SLCO5A1: variants seen among roughly 807,000 people sequenced by gnomAD.
SLCO5A1 encodes organic anion transporter polypeptide-related protein 4.
SLCO5A1 carries 39 observed loss-of-function variants against 65.1 expected under a neutral mutation model. The observed-to-expected ratio is 0.60, with a 90% CI of 0.46 to 0.78. The LOEUF is 0.78. Ranked by LOEUF, SLCO5A1 falls within the 30% of genes least tolerant of loss-of-function variation. SLCO5A1 has a pLI of 0.00. For missense variants in SLCO5A1, 1,029 were observed against 1,069.4 expected (o/e 0.96, Z 0.53); for synonymous variants, 438 against 415.7 (o/e 1.05, Z -0.65).
Position 69,671,827 on chromosome 8 carries a change from C to A in SLCO5A1, c.*1042G>T, listed in dbSNP as rs1285162801. ...TTCTAAGTGATTTTCATATCCCAGG[C>A]ACAGATTTCCTGATATAAGTATGCA... On this transcript the variant is annotated 3_prime_UTR_variant, in exon 10 of 10. Transcript: ENST00000260126. 6.6e-6 allele frequency: 1 copy of A among 152,178 alleles called. No individual in the cohort carries two copies. The highest frequency in any genetic ancestry group is 1.5e-5 in the Non-Finnish European group (1 of 68,026). 9.4% of individuals were successfully genotyped at this position (152,178 alleles called of 1,614,324 possible).
intron 2 of SLCO5A1, among the ~76,000 whole-genome samples, chr8:69,762,119 TTTCTTTC>T (rs1801916548): frequency 4.3e-4 from 2 of 4,704 alleles, no homozygotes; most frequent in South Asian, 0.014. Context: ...TTTGTTTTGT[TTTCTTTC>T]TTTCTTTCTT....
intron 6 of SLCO5A1, chr8:69,700,549 A>G (rs951178125): frequency 1.3e-5 from 2 of 152,254 alleles, no homozygotes; most frequent in South Asian, 2.1e-4. Context: ...CCAGTCAGAA[A>G]GAGCTCACCA....
At chr8:69,752,639 CA>C (rs33960686) in intron 4 of SLCO5A1, among the ~76,000 whole-genome samples, 37,236 of 151,962 alleles carry the variant, frequency 0.25, 6,300 homozygotes, top group African/African-American at 0.48. Flanking sequence ...GCATTTTTAG[CA>C]AAAACATTTT....
chr8:69,679,288 T>A (rs1813668662), intron 8 of SLCO5A1, 90 bp downstream of exon 8: 1 of 1,551,790 alleles, frequency 6.4e-7, no homozygotes, highest in Non-Finnish European at 8.7e-7. Context: ...CTTTGCTCTC[T>A]GATTTACCAC....
At chr8:69,758,090 T>A (rs1586764799) in intron 3 of SLCO5A1, among the ~76,000 whole-genome samples, 1 of 152,364 alleles carries the variant, frequency 6.6e-6, no homozygotes, top group African/African-American at 2.4e-5. Context: ...GACAGTGTTA[T>A]GATGGATGTC....
chr8:69,692,143 G>C (rs1814289716), intron 6 of SLCO5A1, among the ~76,000 whole-genome samples: 1 of 152,178 alleles, frequency 6.6e-6, no homozygotes, highest in Admixed American at 6.5e-5. Context: ...AAGCTACTTG[G>C]GAGGCTGAGG....
chr8:69,692,436 C>T (rs1288667082), intron 6 of SLCO5A1, among the ~76,000 whole-genome samples: 1 of 152,086 alleles, frequency 6.6e-6, no homozygotes, highest in Non-Finnish European at 1.5e-5. Flanking sequence ...ACTTAGGCTA[C>T]GCTAAATCCA....
intron 4 of SLCO5A1, among the ~76,000 whole-genome samples, chr8:69,748,421 C>T (rs1246329296): frequency 3.3e-5 from 5 of 152,134 alleles, no homozygotes; most frequent in African/African-American, 1.2e-4. Flanking sequence ...TACCATTTAC[C>T]TTTCACCTCC....
rs1563723076 is a variant in SLCO5A1, at chr8:69,784,914, GAAA to G, written c.908-23042_908-23040del. Among the ~76,000 whole-genome samples the G allele has an allele frequency of 2.2e-3, 222 of 103,080 alleles. 1 individual carries two copies. Among genetic ancestry groups the G allele is most frequent in the African/African-American group, 8.7e-3 (204 of 23,338 alleles). 67.6% of individuals were successfully genotyped at this position (103,080 alleles called of 152,430 possible). On this transcript the variant is annotated intron_variant, in intron 2 of 9. Coordinates refer to ENST00000260126, the MANE Select transcript of SLCO5A1 (RefSeq NM_030958.3). ...AGAAAGGAAGAAAGAAAGAAAGAAAGAAAGAAAGAAAGAAAGAAAGAAAGAAAG... is the reference window on the plus strand; with the variant it reads ...AGAAAGGAAGAAAGAAAGAAAGAAAGGAAAGAAAGAAAGAAAGAAAGAAAG...
chr8:69,794,153 T>G (rs1254386836), intron 2 of SLCO5A1: 1 of 256,404 alleles, frequency 3.9e-6, no homozygotes, highest in African/African-American at 2.3e-5. Context: ...GGCAGGGAGA[T>G]GTATGCATTA....
chr8:69,729,573 T>C (rs1816244431), intron 5 of SLCO5A1, among the ~76,000 whole-genome samples: 1 of 151,860 alleles, frequency 6.6e-6, no homozygotes, highest in African/African-American at 2.4e-5. Context: ...GAATATAAAT[T>C]TTTACTCTGA....
chr8:69,767,772 C>T (rs1695912925), intron 2 of SLCO5A1, among the ~76,000 whole-genome samples: 1 of 151,468 alleles, frequency 6.6e-6, no homozygotes, highest in African/African-American at 2.4e-5. Flanking sequence ...CACCTGTAGT[C>T]CCAGCTACTC....
intron 2 of SLCO5A1, among the ~76,000 whole-genome samples, chr8:69,789,148 C>G (rs933765385): frequency 2.6e-5 from 4 of 152,242 alleles, no homozygotes; most frequent in African/African-American, 9.6e-5. Context: ...GGACACAACA[C>G]TGTGCCTCTT....
chr8:69,689,468 T>C (rs977632316), intron 6 of SLCO5A1, among the ~76,000 whole-genome samples: 14 of 134,452 alleles, frequency 1.0e-4, no homozygotes, highest in Admixed American at 2.2e-4. Context: ...TTTTATGGTT[T>C]TAGGTCTAAC....
intron 2 of SLCO5A1, among the ~76,000 whole-genome samples, chr8:69,803,456 T>C (rs1819848097): frequency 6.6e-6 from 1 of 151,958 alleles, no homozygotes; most frequent in South Asian, 2.1e-4. Flanking sequence ...CGGGTTCCTG[T>C]AATCCCAGCT....
intron 6 of SLCO5A1, among the ~76,000 whole-genome samples, chr8:69,690,910 A>G (rs1457860791): frequency 1.3e-5 from 2 of 152,230 alleles, no homozygotes; most frequent in African/African-American, 4.8e-5. Context: ...CAATTGATAA[A>G]TGAAAGATAG....
At chr8:69,752,954 T>C (rs1168819174) in intron 4 of SLCO5A1, among the ~76,000 whole-genome samples, 1 of 152,236 alleles carries the variant, frequency 6.6e-6, no homozygotes, top group African/African-American at 2.4e-5. Context: ...AGAAAATATC[T>C]TGAACCATCA....
At chr8:69,679,725 T>C (rs992830269) in intron 7 of SLCO5A1, 106 bp from the exon 8 acceptor site, 3 of 1,467,030 alleles carry the variant, frequency 2.0e-6, no homozygotes, top group Admixed American at 2.2e-5. Context: ...AGCTCAAATA[T>C]TTTTTCAAAC....
At chr8:69,806,650 C>A (rs16936446) in intron 2 of SLCO5A1, among the ~76,000 whole-genome samples, 1 of 152,114 alleles carries the variant, frequency 6.6e-6, no homozygotes, top group Non-Finnish European at 1.5e-5. Flanking sequence ...CACCTCCACT[C>A]CCTTCCCACT....
Sources: gnomAD v4.1 joint callset for allele counts (sites outside exome capture counted in the v4.1 genomes callset) on GRCh38, gnomAD v4.1.1 for gene constraint, MANE v1.5 for transcripts, NCBI Gene and HGNC (gene_info 2026-07-23, HGNC 2026-07-21) for gene names.